Variants in PRRC2C observed in about 807,000 individuals in gnomAD.
PRRC2C encodes protein PRRC2C.
In PRRC2C, 72 loss-of-function variants were observed where a neutral mutation model predicts 317.2. The observed-to-expected ratio is 0.23, with a 90% CI of 0.19 to 0.28. The LOEUF (loss-of-function observed/expected upper bound fraction) is 0.28, where lower values mean the gene tolerates loss of function less well. Among genes scored for constraint, PRRC2C ranks in the 10% least tolerant of loss-of-function variants. The pLI, the probability that PRRC2C is intolerant of heterozygous loss-of-function variation, is 1.00. For missense variants in PRRC2C, 3,074 were observed against 3,459.7 expected, an observed-to-expected ratio of 0.89 and a Z score of 2.80; for synonymous variants, 1,296 against 1,205.9, an observed-to-expected ratio of 1.07 and a Z score of -1.55.
intron 26 of PRRC2C, 123 bp downstream of exon 26, chr1:171,577,760 T>A: frequency 1.4e-6 from 1 of 704,556 alleles, no homozygotes; most frequent in Non-Finnish European, 2.2e-6. Flanking sequence ...GCTGTAAATA[T>A]TTAAATTCGC....
intron 30 of PRRC2C, among the ~76,000 whole-genome samples, chr1:171,586,305 G>C (rs920458487): frequency 6.6e-6 from 1 of 150,706 alleles, no homozygotes; most frequent in Non-Finnish European, 1.5e-5. Context: ...TGGCCAGGCT[G>C]GTCTCAAACC....
At chr1:171,565,688 C>T (rs943855794) in intron 20 of PRRC2C, among the ~76,000 whole-genome samples, 3 of 152,150 alleles carry the variant, frequency 2.0e-5, no homozygotes, top group South Asian at 2.1e-4. Flanking sequence ...CCTCATCATC[C>T]GCCCACCTAG....
At chr1:171,509,441 G>A (rs957833635) in intron 1 of PRRC2C, 1 of 152,168 alleles carries the variant, frequency 6.6e-6, no homozygotes, top group Non-Finnish European at 1.5e-5. Flanking sequence ...AAGGGAAGTG[G>A]GGATAGGATG....
At chr1:171,545,824 A>AT (rs1352862537) in intron 17 of PRRC2C, 137 bp downstream of exon 17, 1 of 496,240 alleles carries the variant, frequency 2.0e-6, no homozygotes, top group Admixed American at 4.8e-5. Flanking sequence ...CAAGGTATAC[A>AT]TAGTGGCTGA....
Position 171,542,134 on chromosome 1 carries a change from A to G in PRRC2C, c.4668A>G (p.Arg1556=). 1.2e-6 allele frequency: 2 copies of G among 1,612,970 alleles called. No homozygotes were observed. The highest frequency in any genetic ancestry group is 2.7e-5 in the African/African-American group (2 of 75,040). ...SSQRPVDRQN[R]RGNNGPPKSG... is the part of the protein sequence containing the mutation. ...AGAGACCAGTAGATCGTCAGAATCG[A>G]CGTGGCAACAATGGTCCACCCAAAT... Residue 1556 remains arginine (R), a synonymous_variant, in exon 16 of 35, where the codon CGA becomes CGG. Coordinates refer to ENST00000647382, the MANE Select transcript of PRRC2C (RefSeq NM_001387844.1).
chr1:171,579,618 A>G (rs565270411), intron 27 of PRRC2C, among the ~76,000 whole-genome samples, 152 bp downstream of exon 27: 4 of 152,350 alleles, frequency 2.6e-5, no homozygotes, highest in South Asian at 2.1e-4. Context: ...ATTTTTCCCA[A>G]ATTTACCAAA....
At chr1:171,496,489 C>T (rs893171517) in intron 1 of PRRC2C, among the ~76,000 whole-genome samples, 1 of 152,072 alleles carries the variant, frequency 6.6e-6, no homozygotes, top group Non-Finnish European at 1.5e-5. Context: ...AGATGTGAGC[C>T]ACTGCGCCTG....
chr1:171,527,459 T>C (rs1484064262), intron 10 of PRRC2C, among the ~76,000 whole-genome samples: 1 of 152,008 alleles, frequency 6.6e-6, no homozygotes, highest in East Asian at 1.9e-4. Context: ...CATGGTTCTT[T>C]TTAAGTAATT....
Position 171,575,024 on chromosome 1 carries a change from G to C in PRRC2C, c.6851G>C (p.Ser2284Thr). ...GCACCTCCAATTGCAACTGGAGTCA[G>C]CAGTAGTGCCAGTGGACCAAGCACT... The part of the protein sequence containing the change: ...STAPPIATGV[S>T]SSASGPSTAN... Residue 2284 changes from serine (S) to threonine (T), a missense_variant, in exon 25 of 35, where the codon AGC (serine) becomes ACC (threonine). Coordinates refer to ENST00000647382, the MANE Select transcript of PRRC2C (RefSeq NM_001387844.1). 1.2e-6 allele frequency: 2 copies of C among 1,613,892 alleles called. No homozygotes were observed. Among genetic ancestry groups the C allele is most frequent in the Non-Finnish European group, 1.7e-6 (2 of 1,179,840 alleles).
At chr1:171,511,651 G>A (rs925460656) in intron 1 of PRRC2C, 1 of 153,598 alleles carries the variant, frequency 6.5e-6, no homozygotes, top group African/African-American at 2.4e-5. Context: ...GGGGAATGAA[G>A]ATGTTGTCCT....
rs761911612 is a variant in PRRC2C at position 171,537,389 on chromosome 1, T to G, written c.2420T>G (p.Met807Arg). 6.3e-7 allele frequency: 1 copy of G among 1,588,676 alleles called. No homozygotes were observed. Among genetic ancestry groups the G allele is most frequent in the South Asian group, 1.2e-5 (1 of 86,864 alleles). ...DHAISLSEPR[M>R]LWGSDPYPHA... ...GCAATTTCCCTTTCTGAGCCTCGTA[T>G]GCTGTGGGGGTCAGATCCCTATCCT... The change falls in exon 15 of 35, where the codon ATG becomes AGG. Residue 807 changes from methionine to arginine, a missense_variant. By Grantham distance (91) the Met-to-Arg change is moderately conservative (BLOSUM62 -1). Coordinates refer to ENST00000647382, the MANE Select transcript of PRRC2C (RefSeq NM_001387844.1).
chr1:171,491,961 TGAA>T (rs1438413640), intron 1 of PRRC2C, among the ~76,000 whole-genome samples: 11 of 152,326 alleles, frequency 7.2e-5, no homozygotes, highest in African/African-American at 2.6e-4. Context: ...AGCTCTTAAT[TGAA>T]GAAGCACAAT....
intron 11 of PRRC2C, among the ~76,000 whole-genome samples, chr1:171,530,211 C>G (rs1675515397): frequency 6.7e-6 from 1 of 148,342 alleles, no homozygotes; most frequent in Non-Finnish European, 1.5e-5. Flanking sequence ...AAAAATATTC[C>G]TAATACATCT....
intron 16 of PRRC2C, among the ~76,000 whole-genome samples, 185 bp from the exon 17 acceptor site, chr1:171,545,294 T>C (rs2102530860): frequency 1.3e-5 from 2 of 152,328 alleles, no homozygotes; most frequent in Middle Eastern, 6.8e-3. Flanking sequence ...TCTACTTTCT[T>C]GGGAAACCCG....
intron 4 of PRRC2C, 146 bp downstream of exon 4, chr1:171,514,791 A>G (rs1672031982): frequency 7.1e-6 from 5 of 704,212 alleles, no homozygotes; most frequent in East Asian, 2.9e-5. Flanking sequence ...TTTTTTAAAA[A>G]ATCTCTTGGG....
intron 1 of PRRC2C, among the ~76,000 whole-genome samples, chr1:171,497,946 C>A (rs1438729825): frequency 6.7e-6 from 1 of 149,836 alleles, no homozygotes; most frequent in African/African-American, 2.5e-5. Context: ...TGCCAAGTAG[C>A]TGGGACTACA....
At chr1:171,554,848 C>T (rs975300237) in intron 18 of PRRC2C, among the ~76,000 whole-genome samples, 2 of 152,214 alleles carry the variant, frequency 1.3e-5, no homozygotes, top group African/African-American at 4.8e-5. Flanking sequence ...GTCTGATGGG[C>T]TTCCCTTTGA....
chr1:171,566,246 G>A lies in PRRC2C; in HGVS notation c.6131G>A (p.Gly2044Asp), dbSNP rs1683639260. Residue 2044 changes from glycine (G) to aspartate (D), a missense_variant, in exon 21 of 35, where the codon GGT becomes GAT. By Grantham distance (94) the Gly-to-Asp change is moderately conservative (BLOSUM62 -1). This residue lies in a region of PRRC2C where 640 missense variants were observed against 676.1 expected (regional missense o/e 0.95). Transcript: ENST00000647382. ...SAPSSEGAKN[G>D]QESGLEIGTD... The stretch of plus-strand genomic sequence containing the variant: ...TTCTTTTACTAGGGAGCGAAGAATG[G>A]TCAAGAAAGTGGACTCGAAATTGGA... 6.2e-7 allele frequency: 1 copy of A among 1,610,116 alleles called. No individual in the cohort carries two copies. The highest frequency in any genetic ancestry group is 8.5e-7 in the Non-Finnish European group (1 of 1,178,234).
At chr1:171,507,034 C>A (rs140808790) in intron 1 of PRRC2C, among the ~76,000 whole-genome samples, 19 of 152,144 alleles carry the variant, frequency 1.2e-4, no homozygotes, top group Non-Finnish European at 2.1e-4. Context: ...CTCCCCACCC[C>A]CCTTGATTCT....
Sources: gnomAD v4.1 joint callset for allele counts (sites outside exome capture counted in the v4.1 genomes callset) on GRCh38, gnomAD v4.1.1 for gene constraint, gnomAD v4.1.1 regional missense constraint, MANE v1.5 for transcripts, NCBI Gene and HGNC (gene_info 2026-07-23, HGNC 2026-07-21) for gene names.